The following MARCHF6 variants were observed in gnomAD, a reference collection of about 807,000 sequenced individuals.
MARCHF6 encodes E3 ubiquitin-protein ligase MARCHF6.
MARCHF6 carries 31 observed loss-of-function variants against 133.7 expected under a neutral mutation model. The ratio of observed to expected loss-of-function variants is 0.23; its 90% CI spans 0.17 to 0.31. The LOEUF (loss-of-function observed/expected upper bound fraction) is 0.31, where lower values mean the gene tolerates loss of function less well. Among genes scored for constraint, MARCHF6 ranks in the 10% least tolerant of loss-of-function variants. The pLI, the probability that MARCHF6 is intolerant of heterozygous loss-of-function variation, is 1.00. For synonymous variants in MARCHF6, 395 were observed against 402.5 expected, an observed-to-expected ratio of 0.98 and a Z score of 0.22; for missense variants, 723 against 1,121.6, an observed-to-expected ratio of 0.64 and a Z score of 5.08.
chr5:10,421,364 G>A (rs1281502158), intron 22 of MARCHF6, among the ~76,000 whole-genome samples: 1 of 152,192 alleles, frequency 6.6e-6, no homozygotes, highest in Non-Finnish European at 1.5e-5. Context: ...TTTTGATATC[G>A]ATAGCTCCCA....
intron 1 of MARCHF6, among the ~76,000 whole-genome samples, chr5:10,356,252 T>C (rs1735451112): frequency 1.3e-5 from 2 of 151,670 alleles, no homozygotes; most frequent in Non-Finnish European, 2.9e-5. Context: ...GTAGGAGATA[T>C]TCAAAGTATG....
chr5:10,409,719 A>G (rs1739110480), intron 17 of MARCHF6, among the ~76,000 whole-genome samples: 1 of 152,122 alleles, frequency 6.6e-6, no homozygotes, highest in African/African-American at 2.4e-5. Flanking sequence ...GCCAGCTGGG[A>G]GGATAATGCA....
intron 18 of MARCHF6, 87 bp downstream of exon 18, chr5:10,410,363 A>G (rs1420865544): frequency 5.6e-6 from 8 of 1,440,988 alleles, no homozygotes; most frequent in African/African-American, 1.4e-5. Flanking sequence ...TCCATGGCCC[A>G]CTCAAGAAAA....
intron 10 of MARCHF6, among the ~76,000 whole-genome samples, chr5:10,399,851 A>G (rs1738421187): frequency 6.6e-6 from 1 of 152,012 alleles, no homozygotes; most frequent in South Asian, 2.1e-4. Flanking sequence ...TTGGCCATTG[A>G]TTTGTTGCTG....
chr5:10,354,103 C>A, intron 1 of MARCHF6, 186 bp downstream of exon 1: 1 of 432,188 alleles, frequency 2.3e-6, no homozygotes, highest in Non-Finnish European at 3.8e-6. Context: ...CCCGCCGTTT[C>A]CCGCCCGCGC....
At chr5:10,355,105 C>G (rs1025364880) in intron 1 of MARCHF6, among the ~76,000 whole-genome samples, 1 of 152,176 alleles carries the variant, frequency 6.6e-6, no homozygotes, top group Non-Finnish European at 1.5e-5. Context: ...CTTGTCGAAG[C>G]TTTACACAGG....
At position 10,433,579 on chromosome 5, in the gene MARCHF6, G is replaced by C. The variant is rs1299120095; in HGVS notation, c.2643-15G>C. The C allele has an allele frequency of 1.9e-6, 3 of 1,610,434 alleles. No homozygotes were observed. Among genetic ancestry groups the C allele is most frequent in the Non-Finnish European group, 2.5e-6 (3 of 1,176,720 alleles). ...ATTCATAGAAGAGAGTAACCACCTTGTTTTTGCAACCTAGGTACCTTGTGG... is the reference window on the plus strand; with the variant it reads ...ATTCATAGAAGAGAGTAACCACCTTCTTTTTGCAACCTAGGTACCTTGTGG... On this transcript the variant is annotated splice_polypyrimidine_tract_variant and intron_variant, in intron 25 of 25. Coordinates refer to ENST00000274140, the MANE Select transcript of MARCHF6 (RefSeq NM_005885.4).
At chr5:10,365,367 C>G (rs930565752) in intron 1 of MARCHF6, among the ~76,000 whole-genome samples, 5 of 151,968 alleles carry the variant, frequency 3.3e-5, no homozygotes, top group Non-Finnish European at 7.4e-5. Context: ...ATGGCACGAT[C>G]TTGGCTCACC....
At chr5:10,408,618 A>C (rs922048362) in intron 17 of MARCHF6, among the ~76,000 whole-genome samples, 12 of 152,192 alleles carry the variant, frequency 7.9e-5, no homozygotes, top group African/African-American at 2.9e-4. Context: ...GGCTCACTGC[A>C]GCCTCAACCT....
Position 10,435,624 on chromosome 5 carries a change from TATATAACTATATAA to T in MARCHF6, c.*1941_*1954del, listed in dbSNP as rs1237413534. ...ATTATTATTGAATTGAGCATATAAC[TATATAACTATATAA>T]CTATATATATATATATATATATATA... is the stretch of plus-strand genomic sequence containing the variant. On this transcript the variant is annotated 3_prime_UTR_variant, in exon 26 of 26. Transcript: ENST00000274140. 2.6e-3 allele frequency: 5 copies of T among 1,916 alleles called. No homozygotes were observed. The East Asian group carries it at 0.067, about 26-fold the overall frequency. 0.1% of individuals were successfully genotyped at this position (1,916 alleles called of 1,614,324 possible).
At chr5:10,409,789 GA>G (rs1739114409) in intron 17 of MARCHF6, among the ~76,000 whole-genome samples, 1 of 152,150 alleles carries the variant, frequency 6.6e-6, no homozygotes, top group South Asian at 2.1e-4. Context: ...TGGAGGCCTT[GA>G]GAAATTTTTA....
intron 17 of MARCHF6, among the ~76,000 whole-genome samples, chr5:10,407,673 G>T (rs1382238165): frequency 6.6e-6 from 1 of 152,162 alleles, no homozygotes; most frequent in Non-Finnish European, 1.5e-5. Flanking sequence ...GTGGGCTAAG[G>T]CCAGGCGTGG....
Position 10,387,006 on chromosome 5 carries a change from A to C in MARCHF6, c.347A>C (p.Lys116Thr). The change falls in exon 5 of 26, where the codon AAG (lysine) becomes ACG (threonine). Residue 116 changes from lysine to threonine, a missense_variant. Physicochemically the swap from Lys to Thr is moderately conservative, Grantham distance 78. Transcript: ENST00000274140. ...TCTTTTTCGGTAGGCCGCATCTACA[A>C]GTGCTTGTTTACTGGCTCCGTGAGC... Reference protein sequence around the residue: ...VVPLTACRIYKCLFTGSVSSL... With the variant: ...VVPLTACRIYTCLFTGSVSSL... 1 of 1,613,292 alleles carries C rather than the reference A, an allele frequency of 6.2e-7. No homozygotes were observed.
chr5:10,369,750 CTT>C (rs916541421), intron 1 of MARCHF6, among the ~76,000 whole-genome samples: 1 of 151,996 alleles, frequency 6.6e-6, no homozygotes, highest in African/African-American at 2.4e-5. Flanking sequence ...AGTATGTAGT[CTT>C]TTGAGTCTGG....
rs776265969 is a variant in MARCHF6 at position 10,426,476 on chromosome 5, C to T, written c.2460C>T (p.Ser820=). 4.3e-6 allele frequency: 7 copies of T among 1,614,104 alleles called. No individual in the cohort carries two copies. The South Asian group carries it at 6.6e-5, about 15-fold the overall frequency. The stretch of plus-strand genomic sequence containing the variant: ...CCGTGATCTCTGTGCTGTTGCTTTC[C>T]CTGTGTGTACCTTATGTCATAGCTT... ...AAPVISVLLL[S]LCVPYVIASG... The change falls in exon 24 of 26, where the codon TCC becomes TCT. Residue 820 remains serine, a synonymous_variant. Transcript: ENST00000274140.
intron 5 of MARCHF6, among the ~76,000 whole-genome samples, chr5:10,387,470 T>TA (rs1737553313): frequency 6.6e-6 from 1 of 151,946 alleles, no homozygotes; most frequent in Admixed American, 6.6e-5. Flanking sequence ...GCCTGGCTAA[T>TA]TTTTGTATTT....
At chr5:10,408,794 C>T (rs1237278237) in intron 17 of MARCHF6, among the ~76,000 whole-genome samples, 1 of 152,182 alleles carries the variant, frequency 6.6e-6, no homozygotes, top group Non-Finnish European at 1.5e-5. Context: ...CTGCCTCAGC[C>T]TCCCAAAATG....
intron 17 of MARCHF6, 90 bp from the exon 18 acceptor site, chr5:10,410,049 T>C: frequency 1.5e-6 from 2 of 1,319,456 alleles, no homozygotes; most frequent in Non-Finnish European, 2.1e-6. Flanking sequence ...ACAGTAAGTT[T>C]ATTAGATTCT....
chr5:10,430,445 A>G (rs2126370190), intron 25 of MARCHF6, among the ~76,000 whole-genome samples: 1 of 151,912 alleles, frequency 6.6e-6, no homozygotes, highest in South Asian at 2.1e-4. Flanking sequence ...AGCTGGGATT[A>G]CAGGTGTGCA....
Sources: allele counts gnomAD v4.1 joint callset (sites outside exome capture counted in the v4.1 genomes callset), GRCh38; gene constraint gnomAD v4.1.1; transcripts MANE v1.5; gene names NCBI Gene and HGNC (gene_info 2026-07-23, HGNC 2026-07-21).